ARB2A: variants seen among roughly 807,000 people sequenced by gnomAD.
ARB2A encodes the protein cotranscriptional regulator ARB2A.
the ARB2A span, among the ~76,000 whole-genome samples, chr5:93,674,926 C>A: frequency 6.6e-6 from 1 of 152,042 alleles, no homozygotes; most frequent in African/African-American, 2.4e-5. Context: ...ATAACATATC[C>A]CCTATGCACT....
chr5:94,106,022 T>C, the ARB2A span, among the ~76,000 whole-genome samples: 2 of 151,920 alleles, frequency 1.3e-5, no homozygotes, highest in African/African-American at 2.4e-5. Flanking sequence ...CCTTAAACTA[T>C]AAAAACTCTA....
chr5:93,630,476 A>G, the ARB2A span, among the ~76,000 whole-genome samples: 1 of 152,360 alleles, frequency 6.6e-6, no homozygotes, highest in Non-Finnish European at 1.5e-5. Flanking sequence ...ACCAGAGATA[A>G]TAGGCTAAAA....
At chr5:93,858,087 A>G in the ARB2A span, among the ~76,000 whole-genome samples, 1 of 152,240 alleles carries the variant, frequency 6.6e-6, no homozygotes, top group African/African-American at 2.4e-5. Flanking sequence ...AATCCAGAGG[A>G]AACAAGGTAC....
the ARB2A span, among the ~76,000 whole-genome samples, chr5:93,855,283 C>G: frequency 6.6e-6 from 1 of 152,066 alleles, no homozygotes; most frequent in East Asian, 1.9e-4. Context: ...ATTGCAACCC[C>G]TGCCTTTTTT....
At chr5:93,851,674 A>G in the ARB2A span, among the ~76,000 whole-genome samples, 2 of 152,024 alleles carry the variant, frequency 1.3e-5, no homozygotes, top group Admixed American at 6.6e-5. Context: ...TCACTGTTCA[A>G]TTCCCACCTA....
the ARB2A span, among the ~76,000 whole-genome samples, chr5:93,897,602 G>C: frequency 2.0e-5 from 3 of 151,786 alleles, no homozygotes; most frequent in Non-Finnish European, 2.9e-5. Context: ...TGTAAGGATG[G>C]CAAACTGGCA....
the ARB2A span, among the ~76,000 whole-genome samples, chr5:94,056,758 C>T: frequency 6.6e-6 from 1 of 152,076 alleles, no homozygotes; most frequent in Non-Finnish European, 1.5e-5. Flanking sequence ...TCACAATAGT[C>T]AAAAGGTAGA....
At chr5:93,768,596 T>C in the ARB2A span, among the ~76,000 whole-genome samples, 3 of 151,878 alleles carry the variant, frequency 2.0e-5, no homozygotes, top group Non-Finnish European at 4.4e-5. Flanking sequence ...TGTGTGTATA[T>C]ATATGTATTT....
the ARB2A span, among the ~76,000 whole-genome samples, chr5:93,681,112 T>A: frequency 2.0e-5 from 3 of 151,998 alleles, no homozygotes; most frequent in South Asian, 6.3e-4. Flanking sequence ...AATGTTTCCT[T>A]TTTTTTCCAG....
the ARB2A span, among the ~76,000 whole-genome samples, chr5:94,103,104 A>G: frequency 6.6e-6 from 1 of 152,064 alleles, no homozygotes; most frequent in Non-Finnish European, 1.5e-5. Flanking sequence ...CCATAAAGCA[A>G]CTACAAAATT....
chr5:93,911,108 G>C, the ARB2A span, among the ~76,000 whole-genome samples: 1 of 151,424 alleles, frequency 6.6e-6, no homozygotes. Flanking sequence ...ACAGTGTGCT[G>C]ACTTACAGCA....
chr5:94,004,499 G>A, the ARB2A span, among the ~76,000 whole-genome samples: 4 of 151,702 alleles, frequency 2.6e-5, no homozygotes, highest in South Asian at 2.1e-4. Flanking sequence ...GGAGAATAGC[G>A]TGAACCTGGG....
At chr5:93,704,849 C>T in the ARB2A span, among the ~76,000 whole-genome samples, 1 of 152,192 alleles carries the variant, frequency 6.6e-6, no homozygotes, top group African/African-American at 2.4e-5. Flanking sequence ...CTATGATTCT[C>T]CACCACATAT....
At chr5:93,643,333 G>T in the ARB2A span, among the ~76,000 whole-genome samples, 1 of 152,024 alleles carries the variant, frequency 6.6e-6, no homozygotes, top group Non-Finnish European at 1.5e-5. Context: ...GAAGGGCCAA[G>T]ATTTTCTCAA....
chr5:93,617,994 T>A, the ARB2A span: 1 of 152,296 alleles, frequency 6.6e-6, no homozygotes, highest in Non-Finnish European at 1.5e-5. Flanking sequence ...TCCTTTTATG[T>A]TTTTGCTTTA....
the ARB2A span, among the ~76,000 whole-genome samples, chr5:93,903,743 G>A: frequency 1.3e-5 from 2 of 149,394 alleles, no homozygotes; most frequent in African/African-American, 2.5e-5. Flanking sequence ...GTGTGTGTGT[G>A]TATAGTCCTA....
At chr5:93,979,142 C>T in the ARB2A span, among the ~76,000 whole-genome samples, 5 of 152,046 alleles carry the variant, frequency 3.3e-5, no homozygotes, top group Non-Finnish European at 5.9e-5. Context: ...TAATATGTAT[C>T]AGTAACAGGA....
the ARB2A span, among the ~76,000 whole-genome samples, chr5:93,634,419 A>C: frequency 4.3e-3 from 660 of 152,000 alleles, no homozygotes; most frequent in Middle Eastern, 0.021. Context: ...AAAACAAAAA[A>C]CAAAAAACAA....
the ARB2A span, among the ~76,000 whole-genome samples, chr5:93,917,620 G>T: frequency 6.6e-6 from 1 of 152,112 alleles, no homozygotes; most frequent in African/African-American, 2.4e-5. Flanking sequence ...GTTCACACCT[G>T]TAATCCCAGC....
Sources: gnomAD v4.1 joint callset for allele counts (sites outside exome capture counted in the v4.1 genomes callset) on GRCh38, gnomAD v4.1.1 for gene constraint, MANE v1.5 for transcripts, NCBI Gene and HGNC (gene_info 2026-07-23, HGNC 2026-07-21) for gene names.